Variants in TRIP13 observed in about 807,000 individuals in gnomAD.
TRIP13 encodes the protein thyroid hormone receptor interactor 13, also known as pachytene checkpoint protein 2 homolog.
TRIP13 carries 25 observed loss-of-function variants against 54.4 expected under a neutral mutation model. The observed-to-expected ratio is 0.46, with a 90% CI of 0.33 to 0.64. TRIP13 has a LOEUF of 0.64. TRIP13 is among the 30% of genes least tolerant of loss of function. The pLI is 0.02. For synonymous variants in TRIP13, 207 were observed against 207.8 expected (o/e 1.00, Z 0.03); for missense variants, 373 against 534.2 (o/e 0.70, Z 2.97).
chr5:893,122 G>T (rs1753718122), intron 1 of TRIP13, 32 bp downstream of exon 1: 1 of 1,542,842 alleles, frequency 6.5e-7, no homozygotes, highest in Non-Finnish European at 8.7e-7. Flanking sequence ...CATCCTCTGG[G>T]CACCCACCCG....
In TRIP13 at chr5:907,114, CT is replaced by C; in HGVS notation, c.609-10del. On this transcript the variant is annotated splice_polypyrimidine_tract_variant and intron_variant, in intron 6 of 12. Coordinates refer to ENST00000166345, the MANE Select transcript of TRIP13 (RefSeq NM_004237.4). This position sits in a 1 kb window ranked among gnomAD's most constrained non-coding sequence, Gnocchi z 4.1. ...GACCAGTTAGTAATTCTCTCAACTCCTTTTTTCTATCTCAGGTACCGATATG... is the reference window on the plus strand; with the variant it reads ...GACCAGTTAGTAATTCTCTCAACTCCTTTTTCTATCTCAGGTACCGATATG... The C allele has an allele frequency of 1.9e-6, 3 of 1,613,256 alleles. No homozygotes were observed. Among genetic ancestry groups the C allele is most frequent in the Non-Finnish European group, 2.5e-6 (3 of 1,179,316 alleles).
At chr5:900,183 G>A (rs1753951901) in intron 3 of TRIP13, among the ~76,000 whole-genome samples, 1 of 152,240 alleles carries the variant, frequency 6.6e-6, no homozygotes, top group Admixed American at 6.5e-5. Context: ...CCTTAAAGAA[G>A]GATGGGAAGT....
Position 912,194 on chromosome 5 carries a change from T to G in TRIP13, c.1020+198T>G, listed in dbSNP as rs1026260840. Among the ~76,000 whole-genome samples, 1 of 152,186 alleles carries G rather than the reference T, an allele frequency of 6.6e-6. No individual in the cohort carries two copies. The highest frequency in any genetic ancestry group is 1.5e-5 in the Non-Finnish European group (1 of 68,030). Reference sequence around the variant, plus strand: ...AACTAGGGCCACTGACTCAATATTTTTGTTCTTTTGGCACAATACAGTCAT... The same window carrying G: ...AACTAGGGCCACTGACTCAATATTTGTGTTCTTTTGGCACAATACAGTCAT... On this transcript the variant is annotated intron_variant, in intron 10 of 12. Coordinates refer to ENST00000166345, the MANE Select transcript of TRIP13 (RefSeq NM_004237.4). The surrounding 1 kb of genome is among the most constrained non-coding windows in gnomAD (Gnocchi z 7.2).
rs1380346498 is a variant in TRIP13, at chr5:896,703, T to A, written c.297T>A (p.Ile99=). ...GTGCATGCACTGTTGCACTTCACATTTTCCAGCTGAATGAAGATGGCCCCA... is the reference window on the plus strand; with the variant it reads ...GTGCATGCACTGTTGCACTTCACATATTCCAGCTGAATGAAGATGGCCCCA... The part of the protein sequence containing the change: ...DLSACTVALH[I]FQLNEDGPSS... Residue 99 remains isoleucine, a synonymous_variant, in exon 3 of 13, where the codon ATT becomes ATA. Transcript: ENST00000166345. The A allele has an allele frequency of 6.2e-7, 1 of 1,613,944 alleles. No individual in the cohort carries two copies. The highest frequency in any genetic ancestry group is 8.5e-7 in the Non-Finnish European group (1 of 1,179,874).
At position 907,621 on chromosome 5, in the gene TRIP13, C is replaced by G. The variant is rs1754142508; in HGVS notation, c.673-367C>G. ...GTGAGGTGAGGTGGGACCAGGCACGCTGGGCACAGGAGAGCCTGTGAGGAG... is the reference window on the plus strand; with the variant it reads ...GTGAGGTGAGGTGGGACCAGGCACGGTGGGCACAGGAGAGCCTGTGAGGAG... On this transcript the variant is annotated intron_variant, in intron 7 of 12. Transcript: ENST00000166345. The surrounding 1 kb of genome is among the most constrained non-coding windows in gnomAD (Gnocchi z 4.1). 6.6e-6 allele frequency among the ~76,000 whole-genome samples: 1 copy of G among 152,238 alleles called. No homozygotes were observed.
At chr5:906,457 A>G (rs1011339802) in intron 6 of TRIP13, among the ~76,000 whole-genome samples, 2 of 152,218 alleles carry the variant, frequency 1.3e-5, no homozygotes, top group Non-Finnish European at 2.9e-5. Flanking sequence ...AATAAACAGT[A>G]TCAGTAAACG....
chr5:904,442 A>G (rs1754063182), intron 6 of TRIP13, among the ~76,000 whole-genome samples: 1 of 152,196 alleles, frequency 6.6e-6, no homozygotes, highest in Non-Finnish European at 1.5e-5. Context: ...GGTGAATTGC[A>G]CTTCAGAAGA....
rs1210373442 is a variant in TRIP13 at position 907,939 on chromosome 5, G to C, written c.673-49G>C. On this transcript the variant is annotated intron_variant, in intron 7 of 12. Coordinates refer to ENST00000166345, the MANE Select transcript of TRIP13 (RefSeq NM_004237.4). This position sits in a 1 kb window ranked among gnomAD's most constrained non-coding sequence, Gnocchi z 4.1. ...CACATCAGGGTCCCCCTGTGCACCT[G>C]GCAGTGTGGTCCCTGCACGTTGACA... is the stretch of plus-strand genomic sequence containing the variant. 6 of 1,586,670 alleles carry C rather than the reference G, an allele frequency of 3.8e-6. No individual in the cohort carries two copies. The highest frequency in any genetic ancestry group is 4.3e-6 in the Non-Finnish European group (5 of 1,154,932).
chr5:914,286 G>A (rs1754298418), intron 10 of TRIP13, among the ~76,000 whole-genome samples, 179 bp from the exon 11 acceptor site: 1 of 152,146 alleles, frequency 6.6e-6, no homozygotes, highest in Non-Finnish European at 1.5e-5. Flanking sequence ...ACGCTGAGAG[G>A]CATGAGAGAG....
chr5:914,298 G>A (rs1305271580), intron 10 of TRIP13, among the ~76,000 whole-genome samples, 167 bp from the exon 11 acceptor site: 3 of 152,150 alleles, frequency 2.0e-5, no homozygotes, highest in East Asian at 3.9e-4. Context: ...ATGAGAGAGC[G>A]AGCTTGTTCC....
chr5:894,236 G>A (rs1164144199), intron 1 of TRIP13, among the ~76,000 whole-genome samples: 1 of 152,182 alleles, frequency 6.6e-6, no homozygotes, highest in Non-Finnish European at 1.5e-5. Context: ...AGCTGGGACA[G>A]TGCATAGCAG....
chr5:916,105 G>A (rs767243838), intron 12 of TRIP13, 132 bp downstream of exon 12: 21 of 953,806 alleles, frequency 2.2e-5, no homozygotes, highest in East Asian at 4.9e-5. Context: ...TCCTGGGGCC[G>A]GAGGAGGAGC....
rs1189291765 is a variant in TRIP13 at position 913,262 on chromosome 5, C to T, written c.1021-1203C>T. Among the ~76,000 whole-genome samples, 1 of 152,200 alleles carries T rather than the reference C, an allele frequency of 6.6e-6. No individual in the cohort carries two copies. Among genetic ancestry groups the T allele is most frequent in the Admixed American group, 6.5e-5 (1 of 15,276 alleles). ...GCCCTCGCAGTGTGACGTTTATACA[C>T]TTGTACACTCGTGCTGTGAATCCAG... On this transcript the variant is annotated intron_variant, in intron 10 of 12. Transcript: ENST00000166345. This position sits in a 1 kb window ranked among gnomAD's most constrained non-coding sequence, Gnocchi z 4.5.
rs1754167528 is a variant in TRIP13, at chr5:908,650, T to C, written c.866+189T>C. The C allele has an allele frequency of 7.0e-7, 1 of 1,419,502 alleles. No homozygotes were observed. Among genetic ancestry groups the C allele is most frequent in the Non-Finnish European group, 9.2e-7 (1 of 1,085,410 alleles). 87.9% of individuals were successfully genotyped at this position (1,419,502 alleles called of 1,614,324 possible). A position where few individuals can be genotyped will look rare whatever the true frequency, so the allele number is the denominator to read the frequency against. ...CACAAATGCTTTTTAAAGAAATTGTTTTTAGTGTGTTAAAAATGTAATAGA... is the reference window on the plus strand; with the variant it reads ...CACAAATGCTTTTTAAAGAAATTGTCTTTAGTGTGTTAAAAATGTAATAGA... On this transcript the variant is annotated intron_variant, in intron 9 of 12. Transcript: ENST00000166345. This position sits in a 1 kb window ranked among gnomAD's most constrained non-coding sequence, Gnocchi z 5.2.
chr5:906,942 T>G (rs1423159017), intron 6 of TRIP13, among the ~76,000 whole-genome samples, 188 bp from the exon 7 acceptor site: 1 of 152,232 alleles, frequency 6.6e-6, no homozygotes, highest in Admixed American at 6.5e-5. Flanking sequence ...AACTACTGAT[T>G]GAATCTTGTT....
intron 1 of TRIP13, 63 bp downstream of exon 1, chr5:893,153 C>G (rs375246046): frequency 3.5e-6 from 5 of 1,439,346 alleles, no homozygotes; most frequent in Middle Eastern, 1.7e-4. Context: ...AGCGCGTGCA[C>G]CGAGCCCCGA....
rs763906540 is a variant in TRIP13, at chr5:894,826, G to A, written c.132G>A (p.Lys44=). The A allele has an allele frequency of 6.2e-7, 1 of 1,612,186 alleles. No homozygotes were observed. The highest frequency in any genetic ancestry group is 1.1e-5 in the South Asian group (1 of 90,216). Residue 44 remains lysine, a synonymous_variant, in exon 2 of 13, where the codon AAG becomes AAA. Transcript: ENST00000166345. ...KKEDINLSVR[K]LLNRHNIVFG... ...AAGACATAAACCTGAGTGTTAGAAA[G>A]CTACTCAACAGACATAATATTGTGT... is the stretch of plus-strand genomic sequence containing the variant.
In TRIP13 at chr5:895,421, GA is replaced by G. The variant is rs1270849871; in HGVS notation, c.258+470del. Among the ~76,000 whole-genome samples the G allele has an allele frequency of 4.6e-5, 7 of 152,166 alleles. No homozygotes were observed. The East Asian group carries it at 1.3e-3, about 29-fold the overall frequency. ...CGTATGGGTTAGAGGAGCTTTGTGT[GA>G]GGGCGTGGAGGCATTGGGGCGATTC... On this transcript the variant is annotated intron_variant, in intron 2 of 12. Transcript: ENST00000166345.
Position 915,284 on chromosome 5 carries a change from GA to G in TRIP13, c.1134-619del, listed in dbSNP as rs1754320706. Among the ~76,000 whole-genome samples, 1 of 152,232 alleles carries G rather than the reference GA, an allele frequency of 6.6e-6. No individual in the cohort carries two copies. The highest frequency in any genetic ancestry group is 2.4e-5 in the African/African-American group (1 of 41,460). ...GATGTGAACCCACCCATTATTTGGG[GA>G]CTCTGTGCCTACTGACCATGTGCCC... On this transcript the variant is annotated intron_variant, in intron 11 of 12. Transcript: ENST00000166345. The surrounding 1 kb of genome is among the most constrained non-coding windows in gnomAD (Gnocchi z 4.2).
Sources: gnomAD v4.1 joint callset for allele counts (sites outside exome capture counted in the v4.1 genomes callset) on GRCh38, gnomAD v4.1.1 for gene constraint, Gnocchi (gnomAD v3.1) non-coding constraint, MANE v1.5 for transcripts, NCBI Gene and HGNC (gene_info 2026-07-23, HGNC 2026-07-21) for gene names.